The following ESRRB variants were observed in gnomAD, a reference collection of about 807,000 sequenced individuals.
ESRRB encodes the protein steroid hormone receptor ERR2.
Under a neutral mutation model 46.0 loss-of-function variants are expected in ESRRB, and 16 were observed. That is an observed-to-expected ratio of 0.35 (90% confidence interval 0.24 to 0.53). The LOEUF is 0.53. Among genes scored for constraint, ESRRB ranks in the 20% least tolerant of loss-of-function variants. The probability of loss-of-function intolerance (pLI) is 0.93; values close to 1 mark genes in which losing one functional copy is unlikely to be tolerated. For synonymous variants in ESRRB, 246 were observed against 259.6 expected, an observed-to-expected ratio of 0.95 and a Z score of 0.50; for missense variants, 488 against 607.4, an observed-to-expected ratio of 0.80 and a Z score of 2.07.
At chr14:76,395,769 T>C (rs919783809) in intron 1 of ESRRB, among the ~76,000 whole-genome samples, 3 of 148,648 alleles carry the variant, frequency 2.0e-5, no homozygotes. Flanking sequence ...TAAAGTATTA[T>C]TTAATTAGGA....
chr14:76,424,897 C>T (rs1238800758), intron 1 of ESRRB, among the ~76,000 whole-genome samples: 3 of 152,042 alleles, frequency 2.0e-5, no homozygotes, highest in East Asian at 1.9e-4. Flanking sequence ...CCACCACGCC[C>T]GGCTAATTTT....
chr14:76,325,705 TGCCTCTTATA>T (rs1883921478), intron 1 of ESRRB, among the ~76,000 whole-genome samples: 2 of 152,194 alleles, frequency 1.3e-5, no homozygotes, highest in South Asian at 4.1e-4. Context: ...CAAGCCTGGT[TGCCTCTTATA>T]GCTCATGTTA....
At chr14:76,354,633 G>C (rs1884356368) in intron 1 of ESRRB, among the ~76,000 whole-genome samples, 1 of 151,452 alleles carries the variant, frequency 6.6e-6, no homozygotes, top group South Asian at 2.1e-4. Flanking sequence ...ATAAGGTGAG[G>C]GGCTGACCCA....
intron 3 of ESRRB, among the ~76,000 whole-genome samples, chr14:76,464,623 G>A: frequency 6.6e-6 from 1 of 152,158 alleles, no homozygotes; most frequent in African/African-American, 2.4e-5. Context: ...TGCTTCGTTA[G>A]GGGCTCAACC....
At chr14:76,358,430 A>T (rs1884424596) in intron 1 of ESRRB, among the ~76,000 whole-genome samples, 1 of 151,018 alleles carries the variant, frequency 6.6e-6, no homozygotes, top group Non-Finnish European at 1.5e-5. Flanking sequence ...AGAAAAAGAA[A>T]AAAATGGCAA....
intron 1 of ESRRB, among the ~76,000 whole-genome samples, chr14:76,405,714 A>C (rs1007359329): frequency 1.3e-5 from 2 of 151,840 alleles, no homozygotes; most frequent in South Asian, 2.1e-4. Flanking sequence ...AGGTCGCGCC[A>C]CTGCACTCCA....
At chr14:76,452,497 A>G (rs1443411608) in intron 2 of ESRRB, among the ~76,000 whole-genome samples, 6 of 151,538 alleles carry the variant, frequency 4.0e-5, no homozygotes, top group African/African-American at 1.2e-4. Context: ...CGTGGTGGCT[A>G]TAATCCCAGC....
intron 3 of ESRRB, among the ~76,000 whole-genome samples, chr14:76,463,838 A>G (rs1398858256): frequency 1.3e-5 from 2 of 151,804 alleles, no homozygotes; most frequent in African/African-American, 2.4e-5. Flanking sequence ...CCTCTTCCTC[A>G]CTTTCTCTAC....
chr14:76,471,079 C>T lies in ESRRB; in HGVS notation c.577+8418C>T, dbSNP rs901508740. Among the ~76,000 whole-genome samples, 8 of 152,296 alleles carry T rather than the reference C, an allele frequency of 5.3e-5. No individual in the cohort carries two copies. The East Asian group carries it at 7.7e-4, about 15-fold the overall frequency. ...GGAACTCTAGGTTTGAACCATTCCTCCTTCTATTGCTTCCAGTCTTTCCCA... is the reference window on the plus strand; with the variant it reads ...GGAACTCTAGGTTTGAACCATTCCTTCTTCTATTGCTTCCAGTCTTTCCCA... On this transcript the variant is annotated intron_variant, in intron 3 of 6. Coordinates refer to ENST00000644823, the MANE Select transcript of ESRRB (RefSeq NM_001379180.1).
At chr14:76,370,115 G>T (rs1005176845), upstream of ESRRB, among the ~76,000 whole-genome samples, 14 of 152,020 alleles carry the variant, frequency 9.2e-5, no homozygotes, top group African/African-American at 3.4e-4. Context: ...CCAAAGCCAG[G>T]CATGGTGGCT....
At chr14:76,357,479 G>A (rs1384412191) in intron 1 of ESRRB, among the ~76,000 whole-genome samples, 2 of 152,178 alleles carry the variant, frequency 1.3e-5, no homozygotes, top group Non-Finnish European at 1.5e-5. Flanking sequence ...ATGGTACAAT[G>A]TGGGGTCATT....
At chr14:76,427,038 G>C (rs1437393653) in intron 1 of ESRRB, among the ~76,000 whole-genome samples, 1 of 152,202 alleles carries the variant, frequency 6.6e-6, no homozygotes, top group Non-Finnish European at 1.5e-5. Flanking sequence ...GGGCATGGGA[G>C]GAATTGCCAA....
chr14:76,410,684 T>C (rs1886397140), intron 1 of ESRRB, among the ~76,000 whole-genome samples: 1 of 152,176 alleles, frequency 6.6e-6, no homozygotes, highest in South Asian at 2.1e-4. Context: ...TCATATGCTC[T>C]CTTATGTGCC....
At chr14:76,314,930 A>G (rs61981690) in intron 1 of ESRRB, among the ~76,000 whole-genome samples, 24,745 of 152,038 alleles carry the variant, frequency 0.16, 2,120 homozygotes, top group African/African-American at 0.18. Context: ...GGGATTCTGC[A>G]TGCTCTGTGA....
intron 1 of ESRRB, among the ~76,000 whole-genome samples, chr14:76,321,091 C>T (rs560254676): frequency 3.7e-4 from 57 of 152,210 alleles, no homozygotes; most frequent in African/African-American, 1.1e-3. Context: ...AATTGCTGTG[C>T]GACAATTCTT....
chr14:76,444,539 G>T (rs1276891977), intron 2 of ESRRB, among the ~76,000 whole-genome samples: 3 of 151,806 alleles, frequency 2.0e-5, no homozygotes, highest in African/African-American at 7.3e-5. Context: ...GCTGGAATCT[G>T]TTGTGGGTTT....
chr14:76,311,973 T>TG (rs545216567), intron 1 of ESRRB, among the ~76,000 whole-genome samples: 1 of 101,986 alleles, frequency 9.8e-6, no homozygotes, highest in Non-Finnish European at 2.1e-5. Flanking sequence ...CCCTACATTT[T>TG]GAAAAAAAAA....
At chr14:76,454,548 G>A (rs763731552) in intron 2 of ESRRB, among the ~76,000 whole-genome samples, 5 of 152,180 alleles carry the variant, frequency 3.3e-5, no homozygotes, top group Admixed American at 1.3e-4. Flanking sequence ...AGCTGGCCAG[G>A]AGGACCAAAT....
chr14:76,482,760 G>A lies in ESRRB; in HGVS notation c.850+1G>A. On this transcript the variant is annotated splice_donor_variant, in intron 5 of 6. Coordinates refer to ENST00000644823, the MANE Select transcript of ESRRB (RefSeq NM_001379180.1). LOFTEE classifies it high-confidence loss of function. This position sits in a 1 kb window ranked among gnomAD's most constrained non-coding sequence, Gnocchi z 4.3. ...ATTGGCTGGGCCAAGCACATCCCAG[G>A]TGAGCATGTGGGACCAGGGGAGAGT... is the stretch of plus-strand genomic sequence containing the variant. 1 of 1,613,986 alleles carries A rather than the reference G, an allele frequency of 6.2e-7. No individual in the cohort carries two copies. The highest frequency in any genetic ancestry group is 8.5e-7 in the Non-Finnish European group (1 of 1,179,992).
Sources: allele counts gnomAD v4.1 joint callset (sites outside exome capture counted in the v4.1 genomes callset), GRCh38; gene constraint gnomAD v4.1.1; non-coding constraint Gnocchi (gnomAD v3.1); transcripts MANE v1.5; gene names NCBI Gene and HGNC (gene_info 2026-07-23, HGNC 2026-07-21).